Variants in RAPGEF4 observed in about 807,000 individuals in gnomAD.
RAPGEF4 encodes the protein RAP guanine-nucleotide-exchange factor (GEF) 4.
Under a neutral mutation model 147.9 loss-of-function variants are expected in RAPGEF4, and 66 were observed. The ratio of observed to expected loss-of-function variants is 0.45; its 90% confidence interval spans 0.37 to 0.55. The LOEUF is 0.55. Among genes scored for constraint, RAPGEF4 ranks in the 20% least tolerant of loss-of-function variants. RAPGEF4 has a pLI of 0.00. For synonymous variants in RAPGEF4, 419 were observed against 442.7 expected (o/e 0.95, Z 0.67); for missense variants, 1,071 against 1,257.3 (o/e 0.85, Z 2.24).
intron 1 of RAPGEF4, among the ~76,000 whole-genome samples, chr2:172,765,730 A>G (rs1696772270): frequency 6.6e-6 from 1 of 152,212 alleles, no homozygotes; most frequent in Non-Finnish European, 1.5e-5. Flanking sequence ...AGCAAAACCA[A>G]CCAGAGAACA....
At chr2:172,958,881 G>T (rs1448995806) in intron 6 of RAPGEF4, among the ~76,000 whole-genome samples, 1 of 152,056 alleles carries the variant, frequency 6.6e-6, no homozygotes, top group Non-Finnish European at 1.5e-5. Flanking sequence ...TAAATCAAAA[G>T]CATCAACCCA....
chr2:172,961,667 T>G (rs768965800), intron 8 of RAPGEF4, among the ~76,000 whole-genome samples: 1 of 152,192 alleles, frequency 6.6e-6, no homozygotes, highest in Non-Finnish European at 1.5e-5. Context: ...AACTGAGGCT[T>G]GGAGAAATTA....
intron 4 of RAPGEF4, among the ~76,000 whole-genome samples, chr2:172,906,311 T>A (rs1208945627): frequency 6.6e-6 from 1 of 152,126 alleles, no homozygotes. Context: ...ATGAGACACA[T>A]CCCCACATCC....
intron 10 of RAPGEF4, among the ~76,000 whole-genome samples, chr2:172,979,560 A>G (rs1691455405): frequency 6.6e-6 from 1 of 152,236 alleles, no homozygotes; most frequent in Non-Finnish European, 1.5e-5. Context: ...CATGATTTAG[A>G]TCTCAAATTC....
chr2:172,826,559 T>C (rs561591709), intron 4 of RAPGEF4, among the ~76,000 whole-genome samples: 1 of 152,290 alleles, frequency 6.6e-6, no homozygotes, highest in Admixed American at 6.5e-5. Context: ...ACATAGAACT[T>C]AAAAATGGGA....
At chr2:172,754,236 G>A (rs1695558220) in intron 1 of RAPGEF4, among the ~76,000 whole-genome samples, 1 of 152,074 alleles carries the variant, frequency 6.6e-6, no homozygotes, top group South Asian at 2.1e-4. Context: ...TTTATAGGAT[G>A]ATCATTTCCC....
intron 1 of RAPGEF4, among the ~76,000 whole-genome samples, chr2:172,748,425 A>G (rs1694964501): frequency 6.6e-6 from 1 of 152,188 alleles, no homozygotes; most frequent in East Asian, 1.9e-4. Flanking sequence ...GTCTTACATT[A>G]GTGGCAGGCA....
At chr2:172,879,471 C>A (rs765708732) in intron 4 of RAPGEF4, among the ~76,000 whole-genome samples, 2 of 152,056 alleles carry the variant, frequency 1.3e-5, no homozygotes, top group Non-Finnish European at 1.5e-5. Flanking sequence ...GGTGGAGTGA[C>A]GAAGCGGGAC....
At chr2:173,028,100 T>G (rs1302659868) in intron 25 of RAPGEF4, among the ~76,000 whole-genome samples, 2 of 152,236 alleles carry the variant, frequency 1.3e-5, no homozygotes, top group African/African-American at 4.8e-5. Flanking sequence ...AAGTAAAGGC[T>G]GCTTGACATT....
At chr2:172,857,201 C>G (rs1693522488) in intron 4 of RAPGEF4, among the ~76,000 whole-genome samples, 1 of 145,490 alleles carries the variant, frequency 6.9e-6, no homozygotes, top group Admixed American at 6.9e-5. Context: ...CACACACACA[C>G]AGAGCGAGTC....
At chr2:172,956,189 CA>C (rs1229543582) in intron 6 of RAPGEF4, among the ~76,000 whole-genome samples, 1 of 152,124 alleles carries the variant, frequency 6.6e-6, no homozygotes, top group Non-Finnish European at 1.5e-5. Context: ...ACACCTGGCT[CA>C]GGCCCTGGTC....
At chr2:173,041,347 T>C (rs890712447) in intron 29 of RAPGEF4, among the ~76,000 whole-genome samples, 4 of 152,090 alleles carry the variant, frequency 2.6e-5, no homozygotes, top group Admixed American at 2.6e-4. Context: ...TCTATGGGAG[T>C]ACTTTGAGAG....
chr2:172,783,084 T>C (rs1170942943), intron 1 of RAPGEF4, among the ~76,000 whole-genome samples: 1 of 152,200 alleles, frequency 6.6e-6, no homozygotes, highest in Non-Finnish European at 1.5e-5. Context: ...CTCTCTCTCT[T>C]CACTTACAAA....
chr2:172,771,689 C>T (rs1195888899), intron 1 of RAPGEF4, among the ~76,000 whole-genome samples: 2 of 152,084 alleles, frequency 1.3e-5, no homozygotes, highest in Non-Finnish European at 1.5e-5. Context: ...AAGCAGTCCT[C>T]CCACCTCGGC....
chr2:172,975,105 T>C (rs1251844988), intron 10 of RAPGEF4, among the ~76,000 whole-genome samples: 1 of 152,246 alleles, frequency 6.6e-6, no homozygotes, highest in African/African-American at 2.4e-5. Flanking sequence ...AATGTTCTGA[T>C]ATAAGTATAT....
chr2:172,921,705 G>A (rs1473827357), intron 5 of RAPGEF4, among the ~76,000 whole-genome samples: 2 of 152,196 alleles, frequency 1.3e-5, no homozygotes, highest in African/African-American at 4.8e-5. Context: ...ATGAGCAAAT[G>A]GATGAGTCAT....
At chr2:172,985,271 G>A (rs6727383) in intron 11 of RAPGEF4, among the ~76,000 whole-genome samples, 162 bp from the exon 12 acceptor site, 11,110 of 152,224 alleles carry the variant, frequency 0.073, 599 homozygotes, top group South Asian at 0.16. Context: ...GCAGCAAATC[G>A]AGTAGAAGTG....
At chr2:172,787,489 C>T (rs1038784684) in intron 1 of RAPGEF4, among the ~76,000 whole-genome samples, 3 of 151,906 alleles carry the variant, frequency 2.0e-5, no homozygotes, top group African/African-American at 7.3e-5. Flanking sequence ...AAAAACAAAA[C>T]AGGAATACAT....
rs930783415 is a variant in RAPGEF4, at chr2:172,864,859, C to T, written c.444+50434C>T. Reference sequence around the variant, plus strand: ...GATAGAGGTTGCAGTGAGCCTAGATCATGCCACTGTACTCTAGCCTGGGCC... The same window carrying T: ...GATAGAGGTTGCAGTGAGCCTAGATTATGCCACTGTACTCTAGCCTGGGCC... On this transcript the variant is annotated intron_variant, in intron 4 of 30. Coordinates refer to ENST00000397081, the MANE Select transcript of RAPGEF4 (RefSeq NM_007023.4). Among the ~76,000 whole-genome samples, 18 of 152,370 alleles carry T rather than the reference C, an allele frequency of 1.2e-4. No individual in the cohort carries two copies. In the East Asian group the frequency reaches 3.1e-3, roughly 26 times the overall value.
Sources: allele counts gnomAD v4.1 joint callset (sites outside exome capture counted in the v4.1 genomes callset), GRCh38; gene constraint gnomAD v4.1.1; transcripts MANE v1.5; gene names NCBI Gene and HGNC (gene_info 2026-07-23, HGNC 2026-07-21).